LNPK: variants seen among roughly 807,000 people sequenced by gnomAD.
LNPK encodes the protein lunapark, ER junction formation factor.
LNPK carries 29 observed loss-of-function variants against 55.2 expected under a neutral mutation model. That is an observed-to-expected ratio of 0.53 (90% confidence interval 0.39 to 0.72). The LOEUF is 0.72. Ranked by LOEUF, LNPK falls within the 30% of genes least tolerant of loss-of-function variation. LNPK has a pLI of 0.00. For synonymous variants in LNPK, 162 were observed against 168.2 expected (o/e 0.96, Z 0.29); for missense variants, 467 against 494.8 (o/e 0.94, Z 0.53).
chr2:175,954,086 A>C (rs1214034804), intron 8 of LNPK, among the ~76,000 whole-genome samples: 1 of 152,144 alleles, frequency 6.6e-6, no homozygotes, highest in African/African-American at 2.4e-5. Flanking sequence ...ATTATTATTA[A>C]AAGTTATAAT....
chr2:175,963,938 C>T (rs1459308090), intron 8 of LNPK, among the ~76,000 whole-genome samples: 1 of 151,666 alleles, frequency 6.6e-6, no homozygotes, highest in African/African-American at 2.4e-5. Context: ...TTTCATTTTT[C>T]TTATTTCTAA....
intron 9 of LNPK, among the ~76,000 whole-genome samples, chr2:175,944,175 A>G (rs1244885960): frequency 6.6e-6 from 1 of 152,160 alleles, no homozygotes. Context: ...TACCATTTAC[A>G]ATAGCATTAA....
At chr2:175,983,133 C>T (rs1032015295) in intron 4 of LNPK, among the ~76,000 whole-genome samples, 5 of 152,160 alleles carry the variant, frequency 3.3e-5, no homozygotes, top group Non-Finnish European at 5.9e-5. Context: ...AAACTTAAAA[C>T]CCATGTTTGT....
Position 175,936,446 on chromosome 2 carries a change from G to A in LNPK, c.1054+898C>T, listed in dbSNP as rs567823487. 1.4e-4 allele frequency among the ~76,000 whole-genome samples: 22 copies of A among 152,146 alleles called. No homozygotes were observed. The South Asian group carries it at 2.9e-3, about 20-fold the overall frequency. ...AAGAAAATATCAAATACATGTAAAC[G>A]ATAATTCCTAGAAATTAAAATAATT... is the stretch of plus-strand genomic sequence containing the variant. On this transcript the variant is annotated intron_variant, in intron 12 of 12. Coordinates refer to ENST00000272748, the MANE Select transcript of LNPK (RefSeq NM_030650.3).
intron 1 of LNPK, 27 bp from the exon 2 acceptor site, chr2:175,995,673 G>C: frequency 8.6e-7 from 1 of 1,159,160 alleles, no homozygotes; most frequent in Non-Finnish European, 1.3e-6. Flanking sequence ...TATTTAAAAT[G>C]TTAAGTTAAA....
Position 175,964,441 on chromosome 2 carries a change from G to A in LNPK, c.442-18C>T. ...TCACACTCCTGTCAATTATAATAAT[G>A]TTATTACAGTGACCTATTACAATGT... On this transcript the variant is annotated intron_variant, in intron 7 of 12. Transcript: ENST00000272748. 6.2e-7 allele frequency: 1 copy of A among 1,607,392 alleles called. No individual in the cohort carries two copies.
chr2:175,961,544 G>A (rs1416657015), intron 8 of LNPK, among the ~76,000 whole-genome samples: 2 of 152,092 alleles, frequency 1.3e-5, no homozygotes, highest in Non-Finnish European at 2.9e-5. Context: ...GTATTGATGG[G>A]ACGTGTCTCA....
At chr2:175,938,935 C>T (rs1039388551) in intron 10 of LNPK, 1 of 152,216 alleles carries the variant, frequency 6.6e-6, no homozygotes, top group African/African-American at 2.4e-5. Context: ...TGTGGATATA[C>T]TCAATGAATA....
chr2:175,938,267 T>C (rs1452967195), intron 11 of LNPK, 46 bp downstream of exon 11: 1 of 1,174,490 alleles, frequency 8.5e-7, no homozygotes, highest in Non-Finnish European at 1.3e-6. Flanking sequence ...TAGAATAAAA[T>C]ATTTAAGCAT....
chr2:175,985,512 T>G (rs1259051752), intron 4 of LNPK, among the ~76,000 whole-genome samples: 1 of 152,216 alleles, frequency 6.6e-6, no homozygotes. Flanking sequence ...GTACATTCAC[T>G]TTGGGTCAGT....
intron 8 of LNPK, among the ~76,000 whole-genome samples, chr2:175,951,674 C>T (rs1252081022): frequency 6.8e-6 from 1 of 147,410 alleles, no homozygotes; most frequent in Non-Finnish European, 1.5e-5. Context: ...TTTGTGATTG[C>T]GAATTGTGCT....
intron 12 of LNPK, among the ~76,000 whole-genome samples, chr2:175,932,392 C>T (rs1684319342): frequency 6.6e-6 from 1 of 152,106 alleles, no homozygotes; most frequent in South Asian, 2.1e-4. Flanking sequence ...AAACAAGATA[C>T]ACGAAGTCTT....
intron 9 of LNPK, among the ~76,000 whole-genome samples, chr2:175,943,245 G>GA (rs561523124): frequency 0.085 from 10,846 of 127,090 alleles, 431 homozygotes; most frequent in South Asian, 0.11. Flanking sequence ...TCTCTCAGAA[G>GA]AAAAAAAAAA....
intron 4 of LNPK, among the ~76,000 whole-genome samples, chr2:175,986,763 G>T (rs1183226158): frequency 6.6e-6 from 1 of 151,826 alleles, no homozygotes. Flanking sequence ...ACTAAATACA[G>T]TAAGAACAGG....
intron 5 of LNPK, among the ~76,000 whole-genome samples, chr2:175,976,109 G>A (rs1034170229): frequency 6.6e-6 from 1 of 152,182 alleles, no homozygotes; most frequent in Non-Finnish European, 1.5e-5. Context: ...GTGAACAAAG[G>A]AGAGTGAAAG....
intron 8 of LNPK, among the ~76,000 whole-genome samples, chr2:175,959,871 C>T (rs1001168789): frequency 6.7e-6 from 1 of 149,636 alleles, no homozygotes; most frequent in African/African-American, 2.4e-5. Flanking sequence ...GAAGATCTAC[C>T]AAGCAAATGG....
rs1684018647 is a variant in LNPK at position 175,926,628 on chromosome 2, A to C, written c.*3339T>G. ...AAAATCTTCACAGGATTCTTGCCAAAGTACAAATATAATAATATATATACA... is the reference window on the plus strand; with the variant it reads ...AAAATCTTCACAGGATTCTTGCCAACGTACAAATATAATAATATATATACA... On this transcript the variant is annotated 3_prime_UTR_variant, in exon 13 of 13. Coordinates refer to ENST00000272748, the MANE Select transcript of LNPK (RefSeq NM_030650.3). 1 of 152,240 alleles carries C rather than the reference A, an allele frequency of 6.6e-6. No homozygotes were observed. Among genetic ancestry groups the C allele is most frequent in the African/African-American group, 2.4e-5 (1 of 41,468 alleles). 9.4% of individuals were successfully genotyped at this position (152,240 alleles called of 1,614,324 possible). A position where few individuals can be genotyped will look rare whatever the true frequency, so the allele number is the denominator to read the frequency against.
intron 5 of LNPK, among the ~76,000 whole-genome samples, chr2:175,972,960 G>T (rs776106200): frequency 1.3e-5 from 2 of 152,178 alleles, no homozygotes. Flanking sequence ...AATTCTACTG[G>T]AACTATAATT....
Position 175,929,098 on chromosome 2 carries a change from T to G in LNPK, c.*869A>C. On this transcript the variant is annotated 3_prime_UTR_variant, in exon 13 of 13. Coordinates refer to ENST00000272748, the MANE Select transcript of LNPK (RefSeq NM_030650.3). ...CACCAAGATACTGTTTGAAGAAGACTAGATATTTAGCAAAATGAAACTGAT... is the reference window on the plus strand; with the variant it reads ...CACCAAGATACTGTTTGAAGAAGACGAGATATTTAGCAAAATGAAACTGAT... The G allele has an allele frequency of 1.0e-6, 1 of 985,184 alleles. No homozygotes were observed. Among genetic ancestry groups the G allele is most frequent in the Non-Finnish European group, 1.2e-6 (1 of 829,382 alleles). 61.0% of individuals were successfully genotyped at this position (985,184 alleles called of 1,614,324 possible). A position where few individuals can be genotyped will look rare whatever the true frequency, so the allele number is the denominator to read the frequency against.
Sources: gnomAD v4.1 joint callset for allele counts (sites outside exome capture counted in the v4.1 genomes callset) on GRCh38, gnomAD v4.1.1 for gene constraint, MANE v1.5 for transcripts, NCBI Gene and HGNC (gene_info 2026-07-23, HGNC 2026-07-21) for gene names.